CHAF1A: variants seen among roughly 807,000 people sequenced by gnomAD.
The protein encoded by CHAF1A is chromatin assembly factor 1 subunit A.
CHAF1A carries 5 observed loss-of-function variants against 93.2 expected under a neutral mutation model. That is an observed-to-expected ratio of 0.05 (90% CI 0.03 to 0.11). The LOEUF (loss-of-function observed/expected upper bound fraction) is 0.11, where lower values mean the gene tolerates loss of function less well. Among genes scored for constraint, CHAF1A ranks in the 10% least tolerant of loss-of-function variants. The pLI is 1.00. For missense variants in CHAF1A, 1,102 were observed against 1,259.9 expected, an observed-to-expected ratio of 0.87 and a Z score of 1.90; for synonymous variants, 504 against 510.3, an observed-to-expected ratio of 0.99 and a Z score of 0.17.
rs376205419 is a variant in CHAF1A, at chr19:4,409,391, G to A, written c.592G>A (p.Asp198Asn). 6 of 1,614,098 alleles carry A rather than the reference G, an allele frequency of 3.7e-6. No homozygotes were observed. Among genetic ancestry groups the A allele is most frequent in the East Asian group, 2.2e-5 (1 of 44,874 alleles). The change falls in exon 3 of 15, where the codon GAC becomes AAC. Residue 198 changes from aspartate to asparagine, a missense_variant. Asp to Asn is a conservative substitution (Grantham distance 23). Coordinates refer to ENST00000301280, the MANE Select transcript of CHAF1A (RefSeq NM_005483.3). ...VGCGGAGRRGDSQECSPRSCP... is the reference protein window; with the variant it reads ...VGCGGAGRRGNSQECSPRSCP... ...CTGTGGAGGTGCAGGGAGGAGAGGCGACTCCCAGGAATGTTCGCCACGGAG... is the reference window on the plus strand; with the variant it reads ...CTGTGGAGGTGCAGGGAGGAGAGGCAACTCCCAGGAATGTTCGCCACGGAG...
intron 13 of CHAF1A, 67 bp from the exon 14 acceptor site, chr19:4,442,178 G>A (rs919471467): frequency 2.0e-5 from 27 of 1,340,372 alleles, no homozygotes; most frequent in Non-Finnish European, 4.3e-6. Context: ...AGTTCCCCCC[G>A]CTACCGCACT....
In CHAF1A at chr19:4,431,793, C is replaced by T. The variant is rs116112656; in HGVS notation, c.1948-159C>T. On this transcript the variant is annotated intron_variant, in intron 11 of 14. Transcript: ENST00000301280. ...TTCCATCTGGAAGAGGGGCAGCCAGCGCATGGTGTGCTCTGCCCTGGCCCT... is the reference window on the plus strand; with the variant it reads ...TTCCATCTGGAAGAGGGGCAGCCAGTGCATGGTGTGCTCTGCCCTGGCCCT... Among the ~76,000 whole-genome samples the T allele has an allele frequency of 8.8e-3, 1,345 of 152,306 alleles. 22 individuals are homozygous for T. Among genetic ancestry groups the T allele is most frequent in the African/African-American group, 0.03 (1,266 of 41,570 alleles).
At chr19:4,415,958 G>C (rs1973890399) in intron 3 of CHAF1A, among the ~76,000 whole-genome samples, 1 of 152,076 alleles carries the variant, frequency 6.6e-6, no homozygotes, top group Non-Finnish European at 1.5e-5. Flanking sequence ...CGGATCACGA[G>C]GTCAGGAGAT....
At chr19:4,432,789 A>T (rs1217559450) in intron 12 of CHAF1A, among the ~76,000 whole-genome samples, 1 of 148,024 alleles carries the variant, frequency 6.8e-6, no homozygotes. Flanking sequence ...AAAACTGGGG[A>T]GGGACCATGG....
At chr19:4,423,954 A>G in intron 7 of CHAF1A, 80 bp downstream of exon 7, 1 of 1,364,514 alleles carries the variant, frequency 7.3e-7, no homozygotes, top group East Asian at 2.3e-5. Context: ...GTCTCTCCCC[A>G]GCCAGCTTCT....
chr19:4,429,948 G>A, intron 10 of CHAF1A, 160 bp downstream of exon 10: 1 of 636,608 alleles, frequency 1.6e-6, no homozygotes. Flanking sequence ...TCAACATCCA[G>A]ACTTCCAGCT....
At chr19:4,445,697 C>G (rs943760373), downstream of CHAF1A, 61 of 1,569,494 alleles carry the variant, frequency 3.9e-5, no homozygotes, top group Non-Finnish European at 5.3e-5. Context: ...AGCGGGCAAC[C>G]TGGGCGCGGG....
intron 7 of CHAF1A, among the ~76,000 whole-genome samples, chr19:4,427,134 G>A (rs1974097706): frequency 2.2e-5 from 1 of 45,276 alleles, no homozygotes; most frequent in South Asian, 7.8e-4. Context: ...AAAAGACCCT[G>A]TCTTTTTTTT....
intron 1 of CHAF1A, 35 bp from the exon 2 acceptor site, chr19:4,405,877 T>C: frequency 6.3e-7 from 1 of 1,597,514 alleles, no homozygotes; most frequent in Admixed American, 1.7e-5. Flanking sequence ...ATTTGCAGAA[T>C]TTAACAGTTT....
At chr19:4,415,197 A>C (rs1973876988) in intron 3 of CHAF1A, among the ~76,000 whole-genome samples, 1 of 152,126 alleles carries the variant, frequency 6.6e-6, no homozygotes, top group South Asian at 2.1e-4. Context: ...ATCTATAAAC[A>C]CTTGGGTCAA....
downstream of CHAF1A, chr19:4,447,797 C>G: frequency 1.5e-6 from 1 of 653,536 alleles, no homozygotes; most frequent in East Asian, 2.8e-5. Context: ...AGGCACACCT[C>G]GGACACCCCA....
chr19:4,441,161 A>G (rs991723106), intron 13 of CHAF1A, among the ~76,000 whole-genome samples: 2 of 152,040 alleles, frequency 1.3e-5, no homozygotes, highest in African/African-American at 2.4e-5. Context: ...TACTAAAAAT[A>G]CAAAAATTAG....
intron 3 of CHAF1A, among the ~76,000 whole-genome samples, chr19:4,414,979 A>G (rs192234269): frequency 6.6e-6 from 1 of 152,272 alleles, no homozygotes; most frequent in East Asian, 1.9e-4. Context: ...CAGAGTCCAT[A>G]GGCTCTGAGA....
At chr19:4,423,951 C>T (rs1974036562) in intron 7 of CHAF1A, 77 bp downstream of exon 7, 1 of 1,375,314 alleles carries the variant, frequency 7.3e-7, no homozygotes, top group Non-Finnish European at 1.0e-6. Flanking sequence ...AGGGTCTCTC[C>T]CCAGCCAGCT....
chr19:4,429,969 A>G, intron 10 of CHAF1A, 181 bp downstream of exon 10: 1 of 592,840 alleles, frequency 1.7e-6, no homozygotes, highest in South Asian at 2.0e-5. Flanking sequence ...TCTCTCGAAA[A>G]ATCTCATCTG....
chr19:4,440,846 G>A (rs1168426137), intron 13 of CHAF1A, among the ~76,000 whole-genome samples: 1 of 152,116 alleles, frequency 6.6e-6, no homozygotes, highest in Non-Finnish European at 1.5e-5. Context: ...GAGGCCAGGT[G>A]CGGTGGCTCA....
At chr19:4,448,619 G>C, downstream of CHAF1A, 1 of 592,148 alleles carries the variant, frequency 1.7e-6, no homozygotes, top group Non-Finnish European at 3.0e-6. Context: ...ACGCAGCCAA[G>C]ACCCAGCAGA....
rs755685458 is a variant in CHAF1A, at chr19:4,443,034, G to A, written c.*9G>A. 6.5e-7 allele frequency: 1 copy of A among 1,538,526 alleles called. No individual in the cohort carries two copies. Among genetic ancestry groups the A allele is most frequent in the South Asian group, 1.2e-5 (1 of 85,112 alleles). On this transcript the variant is annotated 3_prime_UTR_variant, in exon 15 of 15. Coordinates refer to ENST00000301280, the MANE Select transcript of CHAF1A (RefSeq NM_005483.3). ...CACTGGGTGCATCCTGAGAGCAGGG[G>A]TGACGTATGTAGAATGCTTAGGGTG...
At chr19:4,446,652 G>T (rs759855616), downstream of CHAF1A, 1 of 1,612,328 alleles carries the variant, frequency 6.2e-7, no homozygotes. Context: ...GCTGTTCCTT[G>T]TGCCTCTCCA....
Sources: allele counts gnomAD v4.1 joint callset (sites outside exome capture counted in the v4.1 genomes callset), GRCh38; gene constraint gnomAD v4.1.1; transcripts MANE v1.5; gene names NCBI Gene and HGNC (gene_info 2026-07-23, HGNC 2026-07-21).